Variants in KCNK13 observed in about 807,000 individuals in gnomAD.
KCNK13 encodes potassium two pore domain channel subfamily K member 13.
Under a neutral mutation model 23.4 loss-of-function variants are expected in KCNK13, and 12 were observed. The ratio of observed to expected loss-of-function variants is 0.51; its 90% confidence interval spans 0.33 to 0.83. The LOEUF (loss-of-function observed/expected upper bound fraction) is 0.83, where lower values mean the gene tolerates loss of function less well. KCNK13 is among the 40% of genes least tolerant of loss of function. KCNK13 has a pLI of 0.02. For synonymous variants in KCNK13, 231 were observed against 229.5 expected (o/e 1.01, Z -0.06); for missense variants, 463 against 556.3 (o/e 0.83, Z 1.69).
At chr14:90,067,136 G>A (rs1889019184) in intron 1 of KCNK13, among the ~76,000 whole-genome samples, 1 of 152,196 alleles carries the variant, frequency 6.6e-6, no homozygotes, top group Non-Finnish European at 1.5e-5. Flanking sequence ...GGGTGTGGTG[G>A]CCTGTGCCTG....
intron 1 of KCNK13, among the ~76,000 whole-genome samples, chr14:90,097,871 G>A (rs1372393917): frequency 2.0e-5 from 3 of 152,156 alleles, no homozygotes; most frequent in Admixed American, 6.5e-5. Flanking sequence ...CCAGTTATTA[G>A]CCATTAGTAA....
intron 1 of KCNK13, among the ~76,000 whole-genome samples, chr14:90,158,960 C>A (rs931383733): frequency 2.0e-5 from 3 of 152,226 alleles, no homozygotes; most frequent in Non-Finnish European, 4.4e-5. Flanking sequence ...CCTCAACCAT[C>A]ATACTGTCTT....
rs774968932 is a variant in KCNK13, at chr14:90,062,281, C to G, written c.76C>G (p.Leu26Val). The G allele has an allele frequency of 6.4e-7, 1 of 1,561,494 alleles. No homozygotes were observed. The highest frequency in any genetic ancestry group is 8.6e-7 in the Non-Finnish European group (1 of 1,163,200). Residue 26 changes from leucine (L) to valine (V), a missense_variant, in exon 1 of 2, where the codon CTC becomes GTC. Coordinates refer to ENST00000282146, the MANE Select transcript of KCNK13 (RefSeq NM_022054.4). The surrounding 1 kb of genome is among the most constrained non-coding windows in gnomAD (Gnocchi z 4.5). ...CGCGCGCTTTCTGCTGCTGGCCGCG[C>G]TCATCGTGCTCTACCTGCTGGGCGG... is the stretch of plus-strand genomic sequence containing the variant. Reference protein sequence around the residue: ...DNARFLLLAALIVLYLLGGAA... With the variant: ...DNARFLLLAAVIVLYLLGGAA...
chr14:90,108,884 A>T lies in KCNK13; in HGVS notation c.334+46345A>T, dbSNP rs146575968. On this transcript the variant is annotated intron_variant, in intron 1 of 1. Coordinates refer to ENST00000282146, the MANE Select transcript of KCNK13 (RefSeq NM_022054.4). ...AGAGCCCCCAATGCTTTGAAAACTA[A>T]GAATCCCTTGGGCCAGGCGCAGTGG... Among the ~76,000 whole-genome samples the T allele has an allele frequency of 5.0e-3, 767 of 152,342 alleles. 11 individuals are homozygous for T. The highest frequency in any genetic ancestry group is 0.018 in the African/African-American group (754 of 41,570).
Position 90,062,343 on chromosome 14 carries a change from G to T in KCNK13, c.138G>T (p.Glu46Asp), listed in dbSNP as rs769390329. ...AVFSALELAH[E>D]RQAKQRWEER... ...TCTCCGCGCTGGAGCTGGCGCACGA[G>T]CGCCAGGCCAAGCAGCGCTGGGAGG... The change falls in exon 1 of 2, where the codon GAG becomes GAT. Residue 46 changes from glutamate (E) to aspartate (D), a missense_variant. Glu to Asp is a conservative substitution (Grantham distance 45). Transcript: ENST00000282146. The surrounding 1 kb of genome is among the most constrained non-coding windows in gnomAD (Gnocchi z 4.5). 13 of 1,556,276 alleles carry T rather than the reference G, an allele frequency of 8.4e-6. No individual in the cohort carries two copies. Among genetic ancestry groups the T allele is most frequent in the South Asian group, 8.3e-5 (7 of 84,670 alleles).
chr14:90,088,980 G>A (rs954083979), intron 1 of KCNK13, among the ~76,000 whole-genome samples: 6 of 152,170 alleles, frequency 3.9e-5, no homozygotes, highest in South Asian at 2.1e-4. Context: ...CATGTGGAAC[G>A]TAAGTCCATT....
chr14:90,110,999 G>A (rs1417483243), intron 1 of KCNK13, among the ~76,000 whole-genome samples: 7 of 124,154 alleles, frequency 5.6e-5, no homozygotes, highest in African/African-American at 2.1e-4. Flanking sequence ...ACAAGAGCAG[G>A]ACTTTTGTCT....
intron 1 of KCNK13, among the ~76,000 whole-genome samples, chr14:90,118,419 C>A (rs1889701529): frequency 6.6e-6 from 1 of 152,060 alleles, no homozygotes; most frequent in African/African-American, 2.4e-5. Flanking sequence ...CAGTGCATAC[C>A]CAAAATTCCA....
At chr14:90,098,648 G>T (rs1426277590) in intron 1 of KCNK13, among the ~76,000 whole-genome samples, 2 of 150,026 alleles carry the variant, frequency 1.3e-5, no homozygotes, top group Non-Finnish European at 3.0e-5. Context: ...GTGAGACTCG[G>T]TCTCCAAAAA....
intron 1 of KCNK13, among the ~76,000 whole-genome samples, chr14:90,174,716 T>C (rs1009975207): frequency 6.6e-6 from 1 of 151,992 alleles, no homozygotes; most frequent in African/African-American, 2.4e-5. Flanking sequence ...TGGTTTTGTT[T>C]GGTATTGTAA....
chr14:90,160,194 A>G (rs1890238339), intron 1 of KCNK13, among the ~76,000 whole-genome samples: 2 of 152,200 alleles, frequency 1.3e-5, no homozygotes, highest in South Asian at 4.1e-4. Flanking sequence ...AGACATTGAC[A>G]AAACAACCTG....
intron 1 of KCNK13, among the ~76,000 whole-genome samples, chr14:90,159,365 A>T (rs1166436395): frequency 6.6e-6 from 1 of 152,128 alleles, no homozygotes; most frequent in Non-Finnish European, 1.5e-5. Context: ...CGGAGCCAGG[A>T]CTCAGGGCCT....
chr14:90,150,238 A>T (rs970115431), intron 1 of KCNK13, among the ~76,000 whole-genome samples: 1 of 152,108 alleles, frequency 6.6e-6, no homozygotes, highest in Non-Finnish European at 1.5e-5. Flanking sequence ...TTGTTTGGGG[A>T]TGATAGTTAA....
chr14:90,173,425 G>A (rs1716087347), intron 1 of KCNK13, among the ~76,000 whole-genome samples: 1 of 152,188 alleles, frequency 6.6e-6, no homozygotes, highest in Non-Finnish European at 1.5e-5. Context: ...GGGTAAATTT[G>A]TACATCCACT....
chr14:90,165,212 G>C (rs1170755333), intron 1 of KCNK13, among the ~76,000 whole-genome samples: 1 of 152,154 alleles, frequency 6.6e-6, no homozygotes, highest in East Asian at 1.9e-4. Context: ...ACAGCACATG[G>C]GAATTCAAGA....
At position 90,062,647 on chromosome 14, in the gene KCNK13, C is replaced by T; in HGVS notation, c.334+108C>T. 1.2e-6 allele frequency: 1 copy of T among 828,526 alleles called. No homozygotes were observed. Among genetic ancestry groups the T allele is most frequent in the Non-Finnish European group, 1.8e-6 (1 of 552,158 alleles). 51.3% of individuals were successfully genotyped at this position (828,526 alleles called of 1,614,324 possible). Reference sequence around the variant, plus strand: ...TCATTCATCCATCTGGGCGCCCAGCCAGACTCCACTGACATGAGCTGTCGC... The same window carrying T: ...TCATTCATCCATCTGGGCGCCCAGCTAGACTCCACTGACATGAGCTGTCGC... On this transcript the variant is annotated intron_variant, in intron 1 of 1. Transcript: ENST00000282146. The surrounding 1 kb of genome is among the most constrained non-coding windows in gnomAD (Gnocchi z 4.5).
chr14:90,126,888 A>G (rs1409995112), intron 1 of KCNK13, among the ~76,000 whole-genome samples: 1 of 152,148 alleles, frequency 6.6e-6, no homozygotes, highest in Non-Finnish European at 1.5e-5. Flanking sequence ...CAATTGAGGG[A>G]CATTCTACAA....
chr14:90,067,615 G>C (rs942173237), intron 1 of KCNK13, among the ~76,000 whole-genome samples: 1 of 152,140 alleles, frequency 6.6e-6, no homozygotes, highest in African/African-American at 2.4e-5. Flanking sequence ...AATATGTTAA[G>C]TATATTTGAC....
At chr14:90,150,970 C>T (rs1213859639) in intron 1 of KCNK13, among the ~76,000 whole-genome samples, 1 of 151,994 alleles carries the variant, frequency 6.6e-6, no homozygotes, top group Non-Finnish European at 1.5e-5. Context: ...TAGAGCAAGA[C>T]CTTGTCTCAA....
Sources: gnomAD v4.1 joint callset for allele counts (sites outside exome capture counted in the v4.1 genomes callset) on GRCh38, gnomAD v4.1.1 for gene constraint, Gnocchi (gnomAD v3.1) non-coding constraint, MANE v1.5 for transcripts, NCBI Gene and HGNC (gene_info 2026-07-23, HGNC 2026-07-21) for gene names.